The following ZMYM2 variants were observed in gnomAD, a reference collection of about 807,000 sequenced individuals.
The protein encoded by ZMYM2 is zinc finger MYM-type protein 2.
ZMYM2 carries 56 observed loss-of-function variants against 162.8 expected under a neutral mutation model. The ratio of observed to expected loss-of-function variants is 0.34; its 90% CI spans 0.28 to 0.43. ZMYM2 has a LOEUF of 0.43. Ranked by LOEUF, ZMYM2 falls within the 20% of genes least tolerant of loss-of-function variation. The pLI is 1.00. For synonymous variants in ZMYM2, 510 were observed against 541.6 expected (o/e 0.94, Z 0.81); for missense variants, 1,275 against 1,621.8 (o/e 0.79, Z 3.67).
At chr13:19,920,865 C>T in the ZMYM2 span, among the ~76,000 whole-genome samples, 1 of 151,876 alleles carries the variant, frequency 6.6e-6, no homozygotes, top group African/African-American at 2.4e-5. Context: ...TGGATTCAAG[C>T]AATTCTCCTG....
chr13:20,010,604 GTTC>G (rs768660470), intron 6 of ZMYM2, among the ~76,000 whole-genome samples: 6 of 151,780 alleles, frequency 4.0e-5, no homozygotes, highest in Non-Finnish European at 8.8e-5. Context: ...TTGTAGTTCA[GTTC>G]TTTTTTCTCT....
chr13:19,990,983 C>G (rs1019076396), intron 2 of ZMYM2, among the ~76,000 whole-genome samples: 3 of 151,928 alleles, frequency 2.0e-5, no homozygotes, highest in African/African-American at 7.3e-5. Flanking sequence ...AGTGATATTA[C>G]CACCTGAGCC....
At chr13:19,891,341 A>G in the ZMYM2 span, among the ~76,000 whole-genome samples, 1 of 151,922 alleles carries the variant, frequency 6.6e-6, no homozygotes, top group South Asian at 2.1e-4. Context: ...CCTTGATGGC[A>G]CCTTGACCTT....
chr13:19,903,485 A>G, the ZMYM2 span, among the ~76,000 whole-genome samples: 3 of 11,494 alleles, frequency 2.6e-4, no homozygotes, highest in Non-Finnish European at 9.9e-4. Context: ...TAAAAATACA[A>G]AAAAAAAAAA....
rs138527220 is a variant in ZMYM2, at chr13:19,986,070, T to TC, written c.-10-6989dup. 6.4e-3 allele frequency among the ~76,000 whole-genome samples: 965 copies of TC among 151,908 alleles called. 17 individuals are homozygous for TC. The highest frequency in any genetic ancestry group is 0.022 in the African/African-American group (904 of 41,402). ...CCTGGCGTGTGGCGTGTGCCTGTGGTCCCCGTTACTCAGGAGTCTGAGACA... is the reference window on the plus strand; with the variant it reads ...CCTGGCGTGTGGCGTGTGCCTGTGGTCCCCCGTTACTCAGGAGTCTGAGACA... On this transcript the variant is annotated intron_variant, in intron 2 of 24. Coordinates refer to ENST00000610343, the MANE Select transcript of ZMYM2 (RefSeq NM_197968.4).
chr13:19,916,352 C>T, the ZMYM2 span, among the ~76,000 whole-genome samples: 3 of 152,028 alleles, frequency 2.0e-5, no homozygotes, highest in East Asian at 5.8e-4. Context: ...CCCAGTGATC[C>T]CATTACTGGG....
At chr13:19,966,115 TTTTTTTTTTTG>T (rs1955743912) in intron 2 of ZMYM2, among the ~76,000 whole-genome samples, 1 of 136,808 alleles carries the variant, frequency 7.3e-6, no homozygotes, top group Non-Finnish European at 1.6e-5. Flanking sequence ...TATTTGCTTG[TTTTTTTTTTTG>T]TTTTTGTTTT....
chr13:19,913,821 C>T, the ZMYM2 span, among the ~76,000 whole-genome samples: 1 of 152,178 alleles, frequency 6.6e-6, no homozygotes, highest in African/African-American at 2.4e-5. Context: ...GCCTGAATGC[C>T]CATGATAGCC....
the ZMYM2 span, among the ~76,000 whole-genome samples, chr13:19,916,377 A>G: frequency 1.3e-5 from 2 of 152,172 alleles, no homozygotes; most frequent in African/African-American, 2.4e-5. Flanking sequence ...TGCCCAAAGG[A>G]TTATAAATCA....
the ZMYM2 span, among the ~76,000 whole-genome samples, chr13:19,900,635 G>C: frequency 6.6e-6 from 1 of 152,122 alleles, no homozygotes; most frequent in Non-Finnish European, 1.5e-5. Context: ...GGCAATGCAA[G>C]AAAACTATAG....
chr13:20,017,975 C>T (rs1022653284), intron 6 of ZMYM2, among the ~76,000 whole-genome samples: 2 of 152,006 alleles, frequency 1.3e-5, no homozygotes, highest in African/African-American at 4.8e-5. Flanking sequence ...TTATTTGAAA[C>T]TTGAACATTT....
intron 2 of ZMYM2, among the ~76,000 whole-genome samples, chr13:19,967,404 C>T (rs915635566): frequency 1.3e-5 from 2 of 152,058 alleles, no homozygotes; most frequent in Non-Finnish European, 2.9e-5. Context: ...CAAAAAAAGC[C>T]ATTTTTCTCA....
At chr13:19,869,000 C>T in the ZMYM2 span, among the ~76,000 whole-genome samples, 3 of 152,232 alleles carry the variant, frequency 2.0e-5, no homozygotes, top group African/African-American at 7.2e-5. Flanking sequence ...ATCCACCCTC[C>T]TCAGCCTCCC....
At chr13:19,897,715 T>C in the ZMYM2 span, among the ~76,000 whole-genome samples, 1 of 151,990 alleles carries the variant, frequency 6.6e-6, no homozygotes, top group Non-Finnish European at 1.5e-5. Context: ...GAACATTATA[T>C]ATAAATATAT....
Position 19,969,808 on chromosome 13 carries a change from CT to C in ZMYM2, c.-11+9793del, listed in dbSNP as rs915286419. On this transcript the variant is annotated intron_variant, in intron 2 of 24. Coordinates refer to ENST00000610343, the MANE Select transcript of ZMYM2 (RefSeq NM_197968.4). ...TACTCTATGCTCTGTATTCCTTTGA[CT>C]TTTTTTTTTTCTTTTTTAAAGCAAT... is the stretch of plus-strand genomic sequence containing the variant. Among the ~76,000 whole-genome samples the C allele has an allele frequency of 9.0e-3, 1,322 of 146,246 alleles. 14 individuals carry two copies. The highest frequency in any genetic ancestry group is 0.043 in the Middle Eastern group (12 of 280).
At chr13:20,021,080 A>G (rs1952046959) in intron 7 of ZMYM2, among the ~76,000 whole-genome samples, 2 of 150,850 alleles carry the variant, frequency 1.3e-5, no homozygotes, top group Admixed American at 1.3e-4. Flanking sequence ...GGTTAACGCC[A>G]TTCTCCTGCC....
the ZMYM2 span, among the ~76,000 whole-genome samples, chr13:19,914,386 G>A: frequency 2.6e-5 from 4 of 152,304 alleles, no homozygotes; most frequent in Admixed American, 2.6e-4. Flanking sequence ...CATGGTGGCA[G>A]GGATGGAGTT....
intron 18 of ZMYM2, among the ~76,000 whole-genome samples, chr13:20,063,403 TAAA>T (rs774452570): frequency 5.8e-5 from 7 of 121,192 alleles, no homozygotes; most frequent in Admixed American, 8.4e-5. Flanking sequence ...ACCCTGTCTT[TAAA>T]AAAAAAAAAA....
intron 11 of ZMYM2, among the ~76,000 whole-genome samples, chr13:20,036,401 C>G (rs1594501042): frequency 1.3e-5 from 2 of 152,072 alleles, no homozygotes. Context: ...TCTAAAATGC[C>G]TATTTGTGGT....
Sources: allele counts gnomAD v4.1 joint callset (sites outside exome capture counted in the v4.1 genomes callset), GRCh38; gene constraint gnomAD v4.1.1; transcripts MANE v1.5; gene names NCBI Gene and HGNC (gene_info 2026-07-23, HGNC 2026-07-21).